HMBOX1: variants seen among roughly 807,000 people sequenced by gnomAD.
HMBOX1 encodes homeobox containing 1.
A neutral mutation model predicts 54.5 loss-of-function variants in HMBOX1; 14 were observed. The observed-to-expected ratio is 0.26, with a 90% CI of 0.17 to 0.40. The LOEUF (loss-of-function observed/expected upper bound fraction) is 0.40, where lower values mean the gene tolerates loss of function less well. Ranked by LOEUF, HMBOX1 falls within the 10% of genes least tolerant of loss-of-function variation. HMBOX1 has a pLI of 1.00. For synonymous variants in HMBOX1, 160 were observed against 181.0 expected (o/e 0.88, Z 0.93); for missense variants, 332 against 514.4 (o/e 0.65, Z 3.43).
At chr8:28,898,013 A>G (rs1361655026) in intron 1 of HMBOX1, among the ~76,000 whole-genome samples, 3 of 152,226 alleles carry the variant, frequency 2.0e-5, no homozygotes. Context: ...AGGGTTGGTT[A>G]TACTTTGCTG....
chr8:29,009,400 CT>C, intron 5 of HMBOX1: 1 of 945,538 alleles, frequency 1.1e-6, no homozygotes, highest in South Asian at 4.9e-5. Flanking sequence ...ACTCCTTCCC[CT>C]AAGACACCTC....
At chr8:29,032,430 C>A (rs768858111) in intron 6 of HMBOX1, among the ~76,000 whole-genome samples, 1 of 151,744 alleles carries the variant, frequency 6.6e-6, no homozygotes, top group Non-Finnish European at 1.5e-5. Context: ...TCTTGAAATT[C>A]CAGTCATTTT....
At chr8:28,926,363 GTAGA>G (rs1002109638) in intron 1 of HMBOX1, among the ~76,000 whole-genome samples, 3 of 150,886 alleles carry the variant, frequency 2.0e-5, no homozygotes, top group African/African-American at 4.9e-5. Flanking sequence ...TCATTTAGAA[GTAGA>G]TAGACTAGAT....
At chr8:28,963,343 G>T (rs1825924740) in intron 1 of HMBOX1, among the ~76,000 whole-genome samples, 1 of 152,118 alleles carries the variant, frequency 6.6e-6, no homozygotes, top group Admixed American at 6.5e-5. Context: ...CTACAGTTTA[G>T]AATATACAAA....
intron 9 of HMBOX1, chr8:29,050,237 TC>T: frequency 4.1e-6 from 4 of 984,644 alleles, no homozygotes; most frequent in Non-Finnish European, 4.8e-6. Context: ...GATACGGAGT[TC>T]CCCTGAAGAT....
At chr8:28,987,937 A>G (rs771301455) in intron 4 of HMBOX1, among the ~76,000 whole-genome samples, 2 of 152,154 alleles carry the variant, frequency 1.3e-5, no homozygotes, top group African/African-American at 4.8e-5. Context: ...CTTTGTTTTT[A>G]TCACCTTTAT....
intron 3 of HMBOX1, among the ~76,000 whole-genome samples, chr8:28,976,480 G>C (rs1828396143): frequency 6.6e-6 from 1 of 152,030 alleles, no homozygotes; most frequent in Admixed American, 6.6e-5. Flanking sequence ...CCGCCTTCTG[G>C]TTTCAAGCAA....
At chr8:28,998,820 A>G (rs1832228725) in intron 4 of HMBOX1, among the ~76,000 whole-genome samples, 1 of 152,062 alleles carries the variant, frequency 6.6e-6, no homozygotes, top group Admixed American at 6.5e-5. Context: ...TTTCTCAGTC[A>G]TTGCCCTGGA....
At chr8:28,897,449 G>C (rs1267175716) in intron 1 of HMBOX1, among the ~76,000 whole-genome samples, 3 of 152,226 alleles carry the variant, frequency 2.0e-5, no homozygotes, top group African/African-American at 7.2e-5. Context: ...GGCCAAGGCA[G>C]ATGGATCATG....
chr8:29,019,371 A>G (rs566942667), intron 6 of HMBOX1, among the ~76,000 whole-genome samples: 73 of 151,884 alleles, frequency 4.8e-4, no homozygotes, highest in African/African-American at 1.6e-3. Flanking sequence ...TTATCCTCTC[A>G]TTCTGTCACC....
At position 28,953,324 on chromosome 8, in the gene HMBOX1, C is replaced by A. The variant is rs1823845322; in HGVS notation, c.-57-10487C>A. On this transcript the variant is annotated intron_variant, in intron 1 of 9. Coordinates refer to ENST00000287701, the MANE Select transcript of HMBOX1 (RefSeq NM_001135726.3). The stretch of plus-strand genomic sequence containing the variant: ...AAGTCACAGCTAACTGTAGTAAGGC[C>A]TCATTTATTGGTTATTGTTTGAGGG... Among the ~76,000 whole-genome samples, 6 of 152,270 alleles carry A rather than the reference C, an allele frequency of 3.9e-5. 1 individual carries two copies. In the South Asian group the frequency reaches 1.2e-3, roughly 32 times the overall value.
chr8:28,940,502 C>A (rs1356415916), intron 1 of HMBOX1, among the ~76,000 whole-genome samples: 1 of 152,244 alleles, frequency 6.6e-6, no homozygotes, highest in African/African-American at 2.4e-5. Flanking sequence ...ATGACTCTCA[C>A]TACACTGTAA....
chr8:29,013,625 A>G (rs1255014477), intron 5 of HMBOX1, among the ~76,000 whole-genome samples: 1 of 152,238 alleles, frequency 6.6e-6, no homozygotes, highest in Non-Finnish European at 1.5e-5. Flanking sequence ...ACCAGCATAA[A>G]TGAAAGCCTG....
At chr8:29,002,726 G>A (rs1273993934) in intron 4 of HMBOX1, among the ~76,000 whole-genome samples, 1 of 152,038 alleles carries the variant, frequency 6.6e-6, no homozygotes, top group Non-Finnish European at 1.5e-5. Context: ...AAAAAATCCT[G>A]TGTTAAAATA....
At position 28,925,160 on chromosome 8, in the gene HMBOX1, T is replaced by C. The variant is rs113349828; in HGVS notation, c.-58+34482T>C. ...AATATTATGTGACATGTGAAAGTTA[T>C]ATCGTTCAAATCTCATTGTCCACAA... On this transcript the variant is annotated intron_variant, in intron 1 of 9. Transcript: ENST00000287701. Among the ~76,000 whole-genome samples the C allele has an allele frequency of 4.0e-3, 606 of 152,322 alleles. 11 individuals carry two copies. The East Asian group carries it at 0.055, about 14-fold the overall frequency.
chr8:28,955,512 T>C (rs1433055226), intron 1 of HMBOX1, among the ~76,000 whole-genome samples: 2 of 152,242 alleles, frequency 1.3e-5, no homozygotes, highest in African/African-American at 2.4e-5. Context: ...TAGCATTTTA[T>C]TTTTTACTCA....
intron 1 of HMBOX1, among the ~76,000 whole-genome samples, chr8:28,933,407 A>G (rs1184523797): frequency 5.3e-5 from 8 of 152,252 alleles, no homozygotes; most frequent in Non-Finnish European, 1.2e-4. Context: ...AAGAAACTAG[A>G]TAAAAATGAG....
intron 4 of HMBOX1, among the ~76,000 whole-genome samples, chr8:28,995,156 A>G (rs1831603002): frequency 6.6e-6 from 1 of 152,186 alleles, no homozygotes; most frequent in Non-Finnish European, 1.5e-5. Context: ...ATCAGCAGTA[A>G]TTTCCAGTCC....
intron 1 of HMBOX1, among the ~76,000 whole-genome samples, chr8:28,931,385 G>A (rs150532442): frequency 6.6e-6 from 1 of 152,206 alleles, no homozygotes; most frequent in South Asian, 2.1e-4. Context: ...GGTTGTACTA[G>A]AGAAGACCAT....
Sources: allele counts gnomAD v4.1 joint callset (sites outside exome capture counted in the v4.1 genomes callset), GRCh38; gene constraint gnomAD v4.1.1; transcripts MANE v1.5; gene names NCBI Gene and HGNC (gene_info 2026-07-23, HGNC 2026-07-21).